TACR1: variants seen among roughly 807,000 people sequenced by gnomAD.
TACR1 encodes the protein tachykinin receptor 1.
In TACR1, 25 loss-of-function variants were observed where a neutral mutation model predicts 35.8. The observed-to-expected ratio is 0.70, with a 90% CI of 0.51 to 0.98. The LOEUF is 0.98. Ranked by LOEUF, TACR1 falls within the 50% of genes least tolerant of loss-of-function variation. TACR1 has a pLI of 0.00. For synonymous variants in TACR1, 195 were observed against 206.7 expected, an observed-to-expected ratio of 0.94 and a Z score of 0.48; for missense variants, 478 against 522.9, an observed-to-expected ratio of 0.91 and a Z score of 0.84.
At position 75,051,510 on chromosome 2, in the gene TACR1, C is replaced by G. The variant is rs538224179; in HGVS notation, c.736-63G>C. On this transcript the variant is annotated intron_variant, in intron 3 of 4. Transcript: ENST00000305249. ...TCCCCCTCTCTCACGGCTGCTTCCTCTCTCCTCCCACGCCCTCACTGTGCA... is the reference window on the plus strand; with the variant it reads ...TCCCCCTCTCTCACGGCTGCTTCCTGTCTCCTCCCACGCCCTCACTGTGCA... 239 of 1,595,562 alleles carry G rather than the reference C, an allele frequency of 1.5e-4. 1 individual carries two copies. In the African/African-American group the frequency reaches 3.1e-3, roughly 20 times the overall value.
At chr2:75,189,686 T>C (rs550668122) in intron 1 of TACR1, 199 of 152,366 alleles carry the variant, frequency 1.3e-3, no homozygotes, top group African/African-American at 4.7e-3. Flanking sequence ...ATTTGTGTGC[T>C]AAATTTAGAA....
At chr2:75,144,144 C>A (rs949482969) in intron 1 of TACR1, among the ~76,000 whole-genome samples, 1 of 152,144 alleles carries the variant, frequency 6.6e-6, no homozygotes, top group Non-Finnish European at 1.5e-5. Flanking sequence ...CTCCATGGGG[C>A]CACTACTGGG....
intron 2 of TACR1, among the ~76,000 whole-genome samples, chr2:75,096,629 G>A (rs1195327039): frequency 6.6e-6 from 1 of 152,168 alleles, no homozygotes; most frequent in East Asian, 1.9e-4. Flanking sequence ...CAAATATCTG[G>A]ATTTTGTTTG....
intron 2 of TACR1, among the ~76,000 whole-genome samples, chr2:75,120,287 T>A (rs577796555): frequency 6.6e-6 from 1 of 152,134 alleles, no homozygotes; most frequent in South Asian, 2.1e-4. Context: ...CCCGGCAGGG[T>A]AATGTCTCTG....
intron 1 of TACR1, among the ~76,000 whole-genome samples, chr2:75,197,341 CA>C (rs1676018386): frequency 6.6e-6 from 1 of 152,164 alleles, no homozygotes; most frequent in Admixed American, 6.5e-5. Flanking sequence ...AAGTTATAAA[CA>C]ATCTTTATGC....
chr2:75,157,816 T>C (rs1403815334), intron 1 of TACR1, among the ~76,000 whole-genome samples: 4 of 152,220 alleles, frequency 2.6e-5, no homozygotes, highest in African/African-American at 9.7e-5. Context: ...ATGTGGGAAA[T>C]AGACTGAAAG....
chr2:75,096,813 T>C (rs1009541580), intron 2 of TACR1, among the ~76,000 whole-genome samples: 1 of 152,216 alleles, frequency 6.6e-6, no homozygotes, highest in Non-Finnish European at 1.5e-5. Context: ...CTTCTCTCTT[T>C]ACCTCTGCAC....
At position 75,095,414 on chromosome 2, in the gene TACR1, A is replaced by G. The variant is rs192967908; in HGVS notation, c.584+25160T>C. Among the ~76,000 whole-genome samples the G allele has an allele frequency of 4.0e-3, 614 of 152,306 alleles. 6 individuals are homozygous for G. The highest frequency in any genetic ancestry group is 0.031 in the Middle Eastern group (9 of 294). Reference sequence around the variant, plus strand: ...TAGAGGAGGGAATTCACTGGAGGGTAAGGAGTCTGGACAACCTCACAGAAG... The same window carrying G: ...TAGAGGAGGGAATTCACTGGAGGGTGAGGAGTCTGGACAACCTCACAGAAG... On this transcript the variant is annotated intron_variant, in intron 2 of 4. Transcript: ENST00000305249.
At chr2:75,110,924 C>T (rs1281719078) in intron 2 of TACR1, among the ~76,000 whole-genome samples, 1 of 151,966 alleles carries the variant, frequency 6.6e-6, no homozygotes, top group African/African-American at 2.4e-5. Flanking sequence ...CTCCCACCTT[C>T]CCCATAACCT....
intron 2 of TACR1, among the ~76,000 whole-genome samples, chr2:75,094,877 C>A (rs1673389397): frequency 9.0e-6 from 1 of 111,724 alleles, no homozygotes; most frequent in African/African-American, 6.4e-5. Flanking sequence ...TTTTTTTGCC[C>A]AAGATGGCAA....
chr2:75,151,729 G>A (rs1674676299), intron 1 of TACR1, among the ~76,000 whole-genome samples: 1 of 152,146 alleles, frequency 6.6e-6, no homozygotes, highest in Non-Finnish European at 1.5e-5. Flanking sequence ...CCATCCTCCA[G>A]ACCCCAGAAT....
At chr2:75,097,646 G>A (rs1415459148) in intron 2 of TACR1, among the ~76,000 whole-genome samples, 1 of 152,110 alleles carries the variant, frequency 6.6e-6, no homozygotes, top group Non-Finnish European at 1.5e-5. Flanking sequence ...TCAGTCTTGG[G>A]GTGAGCATCT....
intron 1 of TACR1, among the ~76,000 whole-genome samples, chr2:75,181,971 TAAC>T (rs1239455821): frequency 6.6e-6 from 1 of 152,206 alleles, no homozygotes; most frequent in Admixed American, 6.5e-5. Context: ...TTGCTTTTCT[TAAC>T]AAGAAGCCCA....
chr2:75,069,053 G>T (rs551301487), intron 2 of TACR1, among the ~76,000 whole-genome samples: 1 of 152,128 alleles, frequency 6.6e-6, no homozygotes. Flanking sequence ...TTCCTGTGCT[G>T]TTCTCGTGAA....
chr2:75,100,361 T>A (rs1673513221), intron 2 of TACR1, among the ~76,000 whole-genome samples: 1 of 152,252 alleles, frequency 6.6e-6, no homozygotes, highest in Non-Finnish European at 1.5e-5. Context: ...ATTTAGTTTC[T>A]TTGGCATAAA....
chr2:75,052,518 G>A (rs1672488656), intron 3 of TACR1, among the ~76,000 whole-genome samples: 3 of 151,372 alleles, frequency 2.0e-5, no homozygotes, highest in Admixed American at 2.0e-4. Context: ...GCTATGCAGA[G>A]AAGTACCAAC....
At chr2:75,178,050 A>G (rs1360869944) in intron 1 of TACR1, among the ~76,000 whole-genome samples, 1 of 152,146 alleles carries the variant, frequency 6.6e-6, no homozygotes, top group African/African-American at 2.4e-5. Flanking sequence ...ACCTTTACCC[A>G]TATGTCCACC....
intron 1 of TACR1, among the ~76,000 whole-genome samples, chr2:75,131,190 G>A (rs755411637): frequency 2.6e-5 from 4 of 151,788 alleles, no homozygotes; most frequent in African/African-American, 4.8e-5. Flanking sequence ...CTGGGTTCAC[G>A]TCATTCTCCT....
In TACR1 at chr2:75,169,108, G is replaced by A. The variant is rs545966646; in HGVS notation, c.389+29438C>T. 1.1e-4 allele frequency among the ~76,000 whole-genome samples: 17 copies of A among 152,096 alleles called. No individual in the cohort carries two copies. In the South Asian group the frequency reaches 2.1e-3, roughly 19 times the overall value. ...ATTAAATCTTTATCTAATACTTTCTGAAAAGTATTATTGTTTTTAATAAAA... is the reference window on the plus strand; with the variant it reads ...ATTAAATCTTTATCTAATACTTTCTAAAAAGTATTATTGTTTTTAATAAAA... On this transcript the variant is annotated intron_variant, in intron 1 of 4. Transcript: ENST00000305249.
Sources: gnomAD v4.1 joint callset for allele counts (sites outside exome capture counted in the v4.1 genomes callset) on GRCh38, gnomAD v4.1.1 for gene constraint, MANE v1.5 for transcripts, NCBI Gene and HGNC (gene_info 2026-07-23, HGNC 2026-07-21) for gene names.